Variants in NTM observed in about 807,000 individuals in gnomAD.
The protein encoded by NTM is neurotrimin.
Under a neutral mutation model 42.1 loss-of-function variants are expected in NTM, and 13 were observed. The observed-to-expected ratio is 0.31, with a 90% CI of 0.20 to 0.49. The LOEUF (loss-of-function observed/expected upper bound fraction) is 0.49, where lower values mean the gene tolerates loss of function less well. Among genes scored for constraint, NTM ranks in the 20% least tolerant of loss-of-function variants. NTM has a pLI of 0.99. For missense variants in NTM, 373 were observed against 452.8 expected, an observed-to-expected ratio of 0.82 and a Z score of 1.60; for synonymous variants, 187 against 179.2, an observed-to-expected ratio of 1.04 and a Z score of -0.35.
Position 131,483,433 on chromosome 11 carries a change from G to A in NTM, c.82+112545G>A, listed in dbSNP as rs531089125. ...AAACTGAGGCCTAGTGCCATAGAGC[G>A]ACTTACTCCTTTGTGGTCATGAAGT... On this transcript the variant is annotated intron_variant, in intron 1 of 8. Transcript: ENST00000683400. 9.2e-5 allele frequency among the ~76,000 whole-genome samples: 14 copies of A among 152,318 alleles called. No homozygotes were observed. In the South Asian group the frequency reaches 1.2e-3, roughly 14 times the overall value.
chr11:131,784,015 T>A (rs2088669433), intron 1 of NTM, among the ~76,000 whole-genome samples: 1 of 151,704 alleles, frequency 6.6e-6, no homozygotes, highest in Non-Finnish European at 1.5e-5. Flanking sequence ...ATGAGAAAGA[T>A]CAATAATCAC....
intron 1 of NTM, among the ~76,000 whole-genome samples, chr11:131,718,198 G>A (rs549582039): frequency 1.3e-5 from 2 of 152,098 alleles, no homozygotes; most frequent in African/African-American, 4.8e-5. Flanking sequence ...TTCCAGTTTT[G>A]TTTTTAAGGT....
intron 7 of NTM, among the ~76,000 whole-genome samples, chr11:132,328,511 CTCTTT>C (rs1340107457): frequency 6.6e-6 from 1 of 151,950 alleles, no homozygotes; most frequent in Admixed American, 6.6e-5. Context: ...TATAGAAAAC[CTCTTT>C]TATTTTCAGC....
chr11:132,123,715 A>G (rs932486002), intron 2 of NTM, among the ~76,000 whole-genome samples: 3 of 152,132 alleles, frequency 2.0e-5, no homozygotes, highest in Non-Finnish European at 2.9e-5. Context: ...AGCAGAATGG[A>G]CCGTGTGCTA....
rs557772822 is a variant in NTM at position 132,219,278 on chromosome 11, G to A, written c.526+7131G>A. On this transcript the variant is annotated intron_variant, in intron 4 of 8. Transcript: ENST00000683400. ...TCTTTGAGATCCCACAGCACTTTGC[G>A]TGCATTTCCAACTATGGCACCTCTT... 1.4e-4 allele frequency among the ~76,000 whole-genome samples: 22 copies of A among 152,224 alleles called. No homozygotes were observed. The South Asian group carries it at 3.7e-3, about 26-fold the overall frequency.
chr11:131,390,511 A>T (rs1943867097), intron 1 of NTM, among the ~76,000 whole-genome samples: 1 of 152,176 alleles, frequency 6.6e-6, no homozygotes, highest in African/African-American at 2.4e-5. Context: ...TTGACCAGTG[A>T]TGTAAAATTT....
chr11:131,580,967 A>C (rs925789099), intron 1 of NTM, among the ~76,000 whole-genome samples: 3 of 152,230 alleles, frequency 2.0e-5, no homozygotes, highest in African/African-American at 7.2e-5. Flanking sequence ...ATGCTTGGTC[A>C]GTAGACAACA....
chr11:132,125,815 G>A (rs1375603409), intron 2 of NTM, among the ~76,000 whole-genome samples: 1 of 1,114 alleles, frequency 9.0e-4, no homozygotes, highest in Non-Finnish European at 2.2e-3. Flanking sequence ...TGTGCTGTGT[G>A]GTATGTGTGG....
At chr11:132,020,532 A>G (rs951765166) in intron 2 of NTM, among the ~76,000 whole-genome samples, 15 of 152,206 alleles carry the variant, frequency 9.9e-5, no homozygotes, top group Admixed American at 9.8e-4. Flanking sequence ...AACTCTAATG[A>G]GTATGCTACA....
At chr11:131,683,844 G>A (rs2073397546) in intron 1 of NTM, among the ~76,000 whole-genome samples, 1 of 152,138 alleles carries the variant, frequency 6.6e-6, no homozygotes, top group Admixed American at 6.5e-5. Flanking sequence ...GGCGTCCTAG[G>A]CTGACTTCTC....
chr11:131,624,280 C>T (rs746754533), intron 1 of NTM, among the ~76,000 whole-genome samples: 19 of 152,158 alleles, frequency 1.2e-4, no homozygotes, highest in Non-Finnish European at 2.4e-4. Context: ...AACATGGCAT[C>T]GTGTCTCTGC....
At chr11:132,075,916 T>C (rs1460767443) in intron 2 of NTM, among the ~76,000 whole-genome samples, 1 of 152,186 alleles carries the variant, frequency 6.6e-6, no homozygotes, top group Admixed American at 6.5e-5. Flanking sequence ...ATAGGTAACC[T>C]TTTTATTGGT....
chr11:131,630,133 C>T (rs939988037), intron 1 of NTM, among the ~76,000 whole-genome samples: 9 of 152,208 alleles, frequency 5.9e-5, no homozygotes, highest in African/African-American at 9.6e-5. Flanking sequence ...CTTAATCACA[C>T]GGCTCCATCT....
At chr11:132,312,846 A>AGTGGCCT (rs1235287134) in intron 6 of NTM, 2 of 154,012 alleles carry the variant, frequency 1.3e-5, no homozygotes, top group African/African-American at 4.8e-5. Context: ...GAAATGTAAA[A>AGTGGCCT]GTGGCCTGTG....
intron 4 of NTM, among the ~76,000 whole-genome samples, chr11:132,256,849 T>C (rs1177455371): frequency 6.6e-6 from 1 of 152,194 alleles, no homozygotes; most frequent in Non-Finnish European, 1.5e-5. Flanking sequence ...ACCCGTGTTA[T>C]CGTCGGGACC....
intron 1 of NTM, among the ~76,000 whole-genome samples, chr11:131,653,049 C>T (rs966220898): frequency 3.3e-5 from 5 of 152,214 alleles, no homozygotes; most frequent in African/African-American, 7.2e-5. Flanking sequence ...CGCTATTTGA[C>T]GAGCTGCTGC....
chr11:131,418,726 A>G (rs1248598841), intron 1 of NTM, among the ~76,000 whole-genome samples: 2 of 152,302 alleles, frequency 1.3e-5, no homozygotes, highest in South Asian at 2.1e-4. Flanking sequence ...GAGAGATAAA[A>G]CCAAAATCTA....
chr11:132,060,170 T>C (rs560121430), intron 2 of NTM, among the ~76,000 whole-genome samples: 6 of 152,194 alleles, frequency 3.9e-5, no homozygotes, highest in Non-Finnish European at 8.8e-5. Flanking sequence ...GACCACACTT[T>C]GGCATTATAC....
intron 1 of NTM, among the ~76,000 whole-genome samples, chr11:131,882,161 G>C (rs1002706207): frequency 3.3e-5 from 5 of 152,074 alleles, no homozygotes; most frequent in Non-Finnish European, 7.4e-5. Flanking sequence ...TAATCAATAG[G>C]GTGTATGTGT....
Sources: allele counts gnomAD v4.1 joint callset (sites outside exome capture counted in the v4.1 genomes callset), GRCh38; gene constraint gnomAD v4.1.1; transcripts MANE v1.5; gene names NCBI Gene and HGNC (gene_info 2026-07-23, HGNC 2026-07-21).